The following VSIG8 variants were observed in gnomAD, a reference collection of about 807,000 sequenced individuals.
VSIG8 encodes V-set and immunoglobulin domain containing 8.
Under a neutral mutation model 42.6 loss-of-function variants are expected in VSIG8, and 32 were observed. The observed-to-expected ratio is 0.75, with a 90% CI of 0.57 to 1.01. VSIG8 has a LOEUF of 1.01. Ranked by LOEUF, VSIG8 falls within the 50% of genes least tolerant of loss-of-function variation. The probability of loss-of-function intolerance (pLI) is 0.00; values close to 1 mark genes in which losing one functional copy is unlikely to be tolerated. For synonymous variants in VSIG8, 290 were observed against 243.8 expected (o/e 1.19, Z -1.77); for missense variants, 529 against 558.0 (o/e 0.95, Z 0.52).
chr1:159,854,887 C>A lies in VSIG8; in HGVS notation c.1111G>T (p.Val371Leu), dbSNP rs910202456. 6 of 1,470,780 alleles carry A rather than the reference C, an allele frequency of 4.1e-6. No homozygotes were observed. The highest frequency in any genetic ancestry group is 5.6e-5 in the East Asian group (2 of 35,812). The allele number at this position is 1,470,780 out of a possible 1,614,324, so 91.1% of individuals were successfully genotyped here. ...GCGGCGGTGCAGGGCGCCAGGGCCA[C>A]GTCCTCGGGGCCGCCGCAGGGGGGA... ...APPPCGGPED[V>L]ALAPCTAAAA... is the part of the protein sequence containing the mutation. The change falls in exon 7 of 7, where the codon GTG (valine) becomes TTG (leucine). Residue 371 changes from valine to leucine, a missense_variant. Transcript: ENST00000368100.
chr1:159,859,445 T>A (rs1399094924), intron 1 of VSIG8, among the ~76,000 whole-genome samples: 1 of 152,194 alleles, frequency 6.6e-6, no homozygotes, highest in East Asian at 1.9e-4. Context: ...GTGGTTACAA[T>A]GGCTTCTGGG....
chr1:159,855,968 C>T lies in VSIG8; in HGVS notation c.886G>A (p.Ala296Thr). The T allele has an allele frequency of 6.3e-7, 1 of 1,591,410 alleles. No individual in the cohort carries two copies. Among genetic ancestry groups the T allele is most frequent in the South Asian group, 1.1e-5 (1 of 88,516 alleles). Reference protein sequence around the residue: ...LVCCCCGGSGAGGARGAFGYG... With the variant: ...LVCCCCGGSGTGGARGAFGYG... The stretch of plus-strand genomic sequence containing the variant: ...CCGAAGGCACCGCGGGCGCCGCCAG[C>T]CCCGGAGCCCCCGCAGCAGCAGCAG... The change falls in exon 6 of 7, where the codon GCT (alanine) becomes ACT (threonine). Residue 296 changes from alanine (A) to threonine (T), a missense_variant. Transcript: ENST00000368100.
chr1:159,856,771 C>CCCCA, intron 4 of VSIG8, 128 bp from the exon 5 acceptor site: 1 of 890,306 alleles, frequency 1.1e-6, no homozygotes, highest in Non-Finnish European at 1.6e-6. Flanking sequence ...ACACCCACAC[C>CCCCA]CACACACACA....
chr1:159,856,531 C>T lies in VSIG8; in HGVS notation c.765G>A (p.Lys255=), dbSNP rs771508705. 3 of 1,614,130 alleles carry T rather than the reference C, an allele frequency of 1.9e-6. No individual in the cohort carries two copies. In the South Asian group the frequency reaches 3.3e-5, roughly 18 times the overall value. ...VGYSVCVVEV[K]VSDSRRIGVI... is the part of the protein sequence containing the mutation. ...CAAGACTGCTGCACCTACCTGAGAC[C>T]TTCACCTCCACCACACAAACACTGT... Residue 255 remains lysine, a synonymous_variant, in exon 5 of 7, where the codon AAG becomes AAA. Transcript: ENST00000368100.
rs1387623829 is a variant in VSIG8, at chr1:159,858,242, A to G, written c.278T>C (p.Leu93Pro). ...GGCTGCAAAGCGGACCCTCTGCTGC[A>G]GATGGGGAAGGCTGCCATGGTTGAT... is the stretch of plus-strand genomic sequence containing the variant. ...KRINHGSLPHLQQRVRFAASD... is the reference protein window; with the variant it reads ...KRINHGSLPHPQQRVRFAASD... Residue 93 changes from leucine to proline, a missense_variant, in exon 3 of 7, where the codon CTG becomes CCG. By Grantham distance (98) the Leu-to-Pro change is moderately conservative. Coordinates refer to ENST00000368100, the MANE Select transcript of VSIG8 (RefSeq NM_001013661.1). 1 of 1,614,246 alleles carries G rather than the reference A, an allele frequency of 6.2e-7. No homozygotes were observed. The highest frequency in any genetic ancestry group is 1.7e-5 in the Admixed American group (1 of 60,032).
intron 1 of VSIG8, 78 bp downstream of exon 1, chr1:159,862,395 C>T: frequency 3.4e-6 from 5 of 1,479,812 alleles, no homozygotes; most frequent in Non-Finnish European, 4.6e-6. Flanking sequence ...GCCCCAGGCT[C>T]CACTGTGAGC....
rs190996229 is a variant in VSIG8, at chr1:159,862,545, C to T, written c.-24G>A. 132 of 1,608,618 alleles carry T rather than the reference C, an allele frequency of 8.2e-5. No individual in the cohort carries two copies. In the Middle Eastern group the frequency reaches 3.1e-3, roughly 38 times the overall value. ...ATGTCTCTAGGCTCGGTGTTTCCTC[C>T]GTCTGGGCTGGGTATCCCGTGGGGT... On this transcript the variant is annotated 5_prime_UTR_variant, in exon 1 of 7. Transcript: ENST00000368100.
Position 159,854,716 on chromosome 1 carries a change from C to T in VSIG8, c.*37G>A, listed in dbSNP as rs903022692. The stretch of plus-strand genomic sequence containing the variant: ...TGCAGACAGAGAGCCCCGCGCCCTC[C>T]TCCTGGCTGGGGCGCAGCCCGGCCC... On this transcript the variant is annotated 3_prime_UTR_variant, in exon 7 of 7. Coordinates refer to ENST00000368100, the MANE Select transcript of VSIG8 (RefSeq NM_001013661.1). 54 of 1,431,488 alleles carry T rather than the reference C, an allele frequency of 3.8e-5. No homozygotes were observed. Among genetic ancestry groups the T allele is most frequent in the Admixed American group, 8.7e-5 (3 of 34,498 alleles). 88.7% of individuals were successfully genotyped at this position (1,431,488 alleles called of 1,614,324 possible). A position where few individuals can be genotyped will look rare whatever the true frequency, so the allele number is the denominator to read the frequency against.
Position 159,858,172 on chromosome 1 carries a change from C to T in VSIG8, c.348G>A (p.Leu116=). The T allele has an allele frequency of 1.2e-6, 2 of 1,614,208 alleles. No individual in the cohort carries two copies. The highest frequency in any genetic ancestry group is 1.7e-6 in the Non-Finnish European group (2 of 1,180,038). ...QYDASINLMN[L]QVSDTATYEC... ...CATAAGTGGCTGTATCAGATACCTGCAGGTTCATGAGGTTGATGGAGGCAT... is the reference window on the plus strand; with the variant it reads ...CATAAGTGGCTGTATCAGATACCTGTAGGTTCATGAGGTTGATGGAGGCAT... The change falls in exon 3 of 7, where the codon CTG becomes CTA. Residue 116 remains leucine, a synonymous_variant. Coordinates refer to ENST00000368100, the MANE Select transcript of VSIG8 (RefSeq NM_001013661.1).
intron 6 of VSIG8, 174 bp downstream of exon 6, chr1:159,855,708 GA>G: frequency 1.1e-6 from 1 of 945,402 alleles, no homozygotes; most frequent in Non-Finnish European, 1.3e-6. Flanking sequence ...GTGGCAGGGG[GA>G]GGGGAAAGCC....
chr1:159,856,408 C>A, intron 5 of VSIG8, 116 bp downstream of exon 5: 2 of 1,549,198 alleles, frequency 1.3e-6, no homozygotes, highest in Non-Finnish European at 1.8e-6. Context: ...CTGGGAGCCC[C>A]CACTGGCAAA....
chr1:159,855,847 G>A (rs545824981), intron 6 of VSIG8, 36 bp downstream of exon 6: 2 of 1,515,606 alleles, frequency 1.3e-6, no homozygotes, highest in Admixed American at 2.2e-5. Context: ...CCGGTTCCCT[G>A]CCGCACAGCA....
intron 2 of VSIG8, 64 bp from the exon 3 acceptor site, chr1:159,858,355 G>A (rs936090815): frequency 8.5e-6 from 13 of 1,534,020 alleles, no homozygotes; most frequent in African/African-American, 1.4e-5. Flanking sequence ...ATGTGGATTG[G>A]CTGCTTTGGG....
rs1648761183 is a variant in VSIG8, at chr1:159,854,977, C to T, written c.1021G>A (p.Val341Ile). The T allele has an allele frequency of 1.2e-5, 18 of 1,552,408 alleles. No homozygotes were observed. Among genetic ancestry groups the T allele is most frequent in the Non-Finnish European group, 1.6e-5 (18 of 1,155,974 alleles). Residue 341 changes from valine (V) to isoleucine (I), a missense_variant, in exon 7 of 7, where the codon GTC (valine) becomes ATC (isoleucine). By Grantham distance (29) the Val-to-Ile change is conservative. Coordinates refer to ENST00000368100, the MANE Select transcript of VSIG8 (RefSeq NM_001013661.1). ...GTCGGGTACCCCAGGAGGTGGGTGA[C>T]GCGGCTGCCGCGCCCGCTGGCCTTG... ...GCKASGRGSR[V>I]THLLGYPTQN...
intron 1 of VSIG8, chr1:159,861,855 C>T (rs763800013): frequency 3.9e-5 from 6 of 152,360 alleles, no homozygotes; most frequent in African/African-American, 1.4e-4. Context: ...CCCCACCACC[C>T]TCAGGCCTCA....
chr1:159,855,295 G>T lies in VSIG8; in HGVS notation c.972-269C>A, dbSNP rs193111451. The T allele has an allele frequency of 3.8e-3, 5,828 of 1,542,614 alleles. 17 individuals are homozygous for T. The highest frequency in any genetic ancestry group is 4.2e-3 in the Non-Finnish European group (4,794 of 1,142,804). ...AGAGCCCTGCAGGCAGCCCCCTCCA[G>T]GCCCCTGCAATCCCTTTCTGATGTT... On this transcript the variant is annotated intron_variant, in intron 6 of 6. Transcript: ENST00000368100.
Position 159,857,804 on chromosome 1 carries a change from TG to T in VSIG8, c.592del (p.Gln198SerfsTer18). On this transcript the variant is annotated frameshift_variant, in exon 4 of 7. Transcript: ENST00000368100. LOFTEE classifies it high-confidence loss of function. ...YPYRAGSYTSQHSYHSELSYQ... is the reference protein window; with the variant it reads ...YPYRAGSYTSXHSYHSELSYQ... ...GGACAGCTCTGAGTGGTAGCTGTGC[TG>T]GGAGGTGTAAGACCCAGCTCGATAG... The T allele has an allele frequency of 6.2e-7, 1 of 1,614,168 alleles. No homozygotes were observed. Among genetic ancestry groups the T allele is most frequent in the African/African-American group, 1.3e-5 (1 of 75,030 alleles).
Position 159,857,860 on chromosome 1 carries a change from C to T in VSIG8, c.537G>A (p.Lys179=). ...ASGGSQPLSY[K]WAKISGHHYP... is the part of the protein sequence containing the mutation. ...AATGGTGCCCACTGATCTTGGCCCA[C>T]TTGTAGGAGAGGGGCTGGGAGCCCC... Residue 179 remains lysine, a synonymous_variant, in exon 4 of 7, where the codon AAG becomes AAA. Coordinates refer to ENST00000368100, the MANE Select transcript of VSIG8 (RefSeq NM_001013661.1). 6.2e-7 allele frequency: 1 copy of T among 1,614,216 alleles called. No individual in the cohort carries two copies.
rs1050792398 is a variant in VSIG8, at chr1:159,854,689, G to A, written c.*64C>T. ...CGTCCCCAGCCCCGACGTGTCCCCA[G>A]CTGCAGACAGAGAGCCCCGCGCCCT... On this transcript the variant is annotated 3_prime_UTR_variant, in exon 7 of 7. Transcript: ENST00000368100. The A allele has an allele frequency of 7.1e-7, 1 of 1,400,792 alleles. No individual in the cohort carries two copies. Among genetic ancestry groups the A allele is most frequent in the African/African-American group, 1.5e-5 (1 of 65,844 alleles). The allele number at this position is 1,400,792 out of a possible 1,614,324, so 86.8% of individuals were successfully genotyped here.
Sources: allele counts gnomAD v4.1 joint callset (sites outside exome capture counted in the v4.1 genomes callset), GRCh38; gene constraint gnomAD v4.1.1; transcripts MANE v1.5; gene names NCBI Gene and HGNC (gene_info 2026-07-23, HGNC 2026-07-21).